The following CDYL variants were observed in gnomAD, a reference collection of about 807,000 sequenced individuals.
CDYL encodes the protein chromodomain Y like.
In CDYL, 8 loss-of-function variants were observed where a neutral mutation model predicts 47.3. That is an observed-to-expected ratio of 0.17 (90% CI 0.10 to 0.31). CDYL has a LOEUF of 0.31. Among genes scored for constraint, CDYL ranks in the 10% least tolerant of loss-of-function variants. CDYL has a pLI of 1.00. For missense variants in CDYL, 471 were observed against 701.4 expected (o/e 0.67, Z 3.71); for synonymous variants, 266 against 265.0 (o/e 1.00, Z -0.04).
chr6:4,775,664 G>T (rs1290039797), upstream of CDYL, among the ~76,000 whole-genome samples: 2 of 149,960 alleles, frequency 1.3e-5, no homozygotes, highest in Non-Finnish European at 3.0e-5. The surrounding 1 kb of genome is among the most constrained non-coding windows in gnomAD (Gnocchi z 7.0). Context: ...CCCGCCCCCC[G>T]GATCCCACCC....
intron 1 of CDYL, among the ~76,000 whole-genome samples, chr6:4,887,195 C>T (rs924596517): frequency 2.0e-5 from 3 of 152,038 alleles, no homozygotes; most frequent in Non-Finnish European, 4.4e-5. Flanking sequence ...TTACCAATTC[C>T]GTGTGAATTT....
intron 1 of CDYL, among the ~76,000 whole-genome samples, chr6:4,781,397 G>A (rs1758615666): frequency 6.6e-6 from 1 of 152,130 alleles, no homozygotes; most frequent in Non-Finnish European, 1.5e-5. Flanking sequence ...TGTTGTATAT[G>A]GTGTAGCTGT....
chr6:4,910,700 G>A (rs760989656), intron 2 of CDYL, among the ~76,000 whole-genome samples: 3 of 152,246 alleles, frequency 2.0e-5, no homozygotes, highest in Non-Finnish European at 4.4e-5. Flanking sequence ...AGGTGTCTCC[G>A]TGGGCCTGGA....
At chr6:4,813,506 G>A (rs1014733276) in intron 1 of CDYL, among the ~76,000 whole-genome samples, 7 of 152,094 alleles carry the variant, frequency 4.6e-5, no homozygotes, top group African/African-American at 1.7e-4. Flanking sequence ...GTTATTTCAG[G>A]GACTTACTCT....
At chr6:4,776,338 G>C (rs1046317292), upstream of CDYL, 6 of 144,206 alleles carry the variant, frequency 4.2e-5, no homozygotes, top group African/African-American at 2.5e-5. Flanking sequence ...CCCGGAGCGC[G>C]GGAGCGCGGC....
chr6:4,927,061 C>T (rs528780931), intron 2 of CDYL, among the ~76,000 whole-genome samples: 50 of 152,160 alleles, frequency 3.3e-4, no homozygotes, highest in Non-Finnish European at 6.0e-4. Flanking sequence ...GTCAGGTGCA[C>T]GTGTGCCATA....
chr6:4,755,045 T>C (rs1758054415), intron 3 of CDYL, among the ~76,000 whole-genome samples: 1 of 151,432 alleles, frequency 6.6e-6, no homozygotes, highest in Non-Finnish European at 1.5e-5. Flanking sequence ...TGTTGTTGTT[T>C]TTTGTTTTTT....
intron 1 of CDYL, among the ~76,000 whole-genome samples, chr6:4,869,908 C>T (rs912403051): frequency 2.0e-5 from 3 of 152,220 alleles, no homozygotes; most frequent in Non-Finnish European, 4.4e-5. Context: ...CAGTGCTTTA[C>T]CGTTCTTCCC....
At chr6:4,812,947 G>A (rs959429325) in intron 1 of CDYL, among the ~76,000 whole-genome samples, 2 of 152,120 alleles carry the variant, frequency 1.3e-5, no homozygotes, top group African/African-American at 4.8e-5. Flanking sequence ...TTTTCTTTTA[G>A]ATTTATTCTT....
rs548956420 is a variant in CDYL, at chr6:4,894,979, A to G, written c.691+2600A>G. 2.7e-5 allele frequency among the ~76,000 whole-genome samples: 4 copies of G among 145,592 alleles called. No individual in the cohort carries two copies. In the South Asian group the frequency reaches 6.6e-4, roughly 24 times the overall value. On this transcript the variant is annotated intron_variant, in intron 2 of 6. Transcript: ENST00000397588. ...TATATATACGTATGTGTATATGTGTATGCATATGTGTATACTTGTGTGTAT... is the reference window on the plus strand; with the variant it reads ...TATATATACGTATGTGTATATGTGTGTGCATATGTGTATACTTGTGTGTAT...
intron 1 of CDYL, among the ~76,000 whole-genome samples, chr6:4,790,640 T>C (rs1758893320): frequency 6.6e-6 from 1 of 152,240 alleles, no homozygotes; most frequent in Admixed American, 6.5e-5. Flanking sequence ...ATAGGAAGGC[T>C]CAGCTAATTA....
intron 1 of CDYL, among the ~76,000 whole-genome samples, chr6:4,851,903 C>CTAACCAAA (rs1760839895): frequency 6.6e-6 from 1 of 152,100 alleles, no homozygotes; most frequent in African/African-American, 2.4e-5. Context: ...GATAATGATA[C>CTAACCAAA]TAACCAAAAA....
rs532610618 is a variant in CDYL, at chr6:4,740,592, T to A, written c.186+5748T>A. Among the ~76,000 whole-genome samples the A allele has an allele frequency of 2.6e-5, 4 of 152,314 alleles. No homozygotes were observed. In the East Asian group the frequency reaches 7.7e-4, roughly 29 times the overall value. Reference sequence around the variant, plus strand: ...ATACTAAATTTGACTACTTTTCTGATGAGTCCTTTTTATAAATTATCAGAC... The same window carrying A: ...ATACTAAATTTGACTACTTTTCTGAAGAGTCCTTTTTATAAATTATCAGAC... On this transcript the variant is annotated intron_variant, in intron 3 of 8. Coordinates refer to the CDYL transcript ENST00000328908.
intron 1 of CDYL, among the ~76,000 whole-genome samples, chr6:4,819,128 C>CTCTCTG (rs1759755370): frequency 7.7e-6 from 1 of 129,920 alleles, no homozygotes; most frequent in Admixed American, 7.5e-5. Context: ...CTCTCTCTCT[C>CTCTCTG]TCTCTCTCTC....
chr6:4,723,933 G>T (rs1240069753), intron 2 of CDYL, among the ~76,000 whole-genome samples: 1 of 152,206 alleles, frequency 6.6e-6, no homozygotes, highest in South Asian at 2.1e-4. Flanking sequence ...ATCTGCTTTC[G>T]GTTAGAATGA....
At chr6:4,845,634 A>G (rs185679749) in intron 1 of CDYL, among the ~76,000 whole-genome samples, 9 of 152,326 alleles carry the variant, frequency 5.9e-5, no homozygotes, top group Admixed American at 2.6e-4. Flanking sequence ...TTGCAACTCA[A>G]CTTCTGCCTT....
At chr6:4,784,649 G>T (rs896460582) in intron 1 of CDYL, among the ~76,000 whole-genome samples, 1 of 152,124 alleles carries the variant, frequency 6.6e-6, no homozygotes, top group Non-Finnish European at 1.5e-5. Context: ...ATGATACTTT[G>T]GTCTTACGAT....
At chr6:4,841,936 C>T (rs1760501409) in intron 1 of CDYL, among the ~76,000 whole-genome samples, 1 of 146,802 alleles carries the variant, frequency 6.8e-6, no homozygotes, top group African/African-American at 2.5e-5. Flanking sequence ...AGTTTAAGTC[C>T]ATTGTTTCTT....
chr6:4,736,502 G>A (rs1229987526), intron 3 of CDYL, among the ~76,000 whole-genome samples: 3 of 152,182 alleles, frequency 2.0e-5, no homozygotes, highest in Non-Finnish European at 2.9e-5. Flanking sequence ...CTGCTCCAGG[G>A]AATCCTCCCA....
Sources: allele counts gnomAD v4.1 joint callset (sites outside exome capture counted in the v4.1 genomes callset), GRCh38; gene constraint gnomAD v4.1.1; non-coding constraint Gnocchi (gnomAD v3.1); transcripts MANE v1.5; gene names NCBI Gene and HGNC (gene_info 2026-07-23, HGNC 2026-07-21).